THSD7B: variants seen among roughly 807,000 people sequenced by gnomAD.
THSD7B encodes thrombospondin type-1 domain-containing protein 7B.
THSD7B carries 138 observed loss-of-function variants against 213.6 expected under a neutral mutation model. That is an observed-to-expected ratio of 0.65 (90% CI 0.56 to 0.74). The LOEUF is 0.74. THSD7B is among the 30% of genes least tolerant of loss of function. The pLI is 0.00. For missense variants in THSD7B, 1,931 were observed against 1,991.5 expected (o/e 0.97, Z 0.58); for synonymous variants, 742 against 687.0 (o/e 1.08, Z -1.25).
chr2:136,999,117 C>A (rs1299056848), intron 2 of THSD7B, among the ~76,000 whole-genome samples: 1 of 152,032 alleles, frequency 6.6e-6, no homozygotes, highest in African/African-American at 2.4e-5. Context: ...ATTTTGCCTG[C>A]AGAGTTCTCA....
chr2:137,663,751 T>G (rs1234561151), intron 26 of THSD7B, among the ~76,000 whole-genome samples, 176 bp downstream of exon 26: 1 of 152,244 alleles, frequency 6.6e-6, no homozygotes, highest in Non-Finnish European at 1.5e-5. Context: ...TGAGTCCCTT[T>G]AAGTGTACAG....
chr2:137,191,006 A>G (rs555190315), intron 7 of THSD7B, among the ~76,000 whole-genome samples: 1 of 152,316 alleles, frequency 6.6e-6, no homozygotes, highest in South Asian at 2.1e-4. Flanking sequence ...TCCTGCTGAC[A>G]GGCGATCACC....
At chr2:136,928,739 A>G (rs1684582671) in intron 2 of THSD7B, among the ~76,000 whole-genome samples, 1 of 152,248 alleles carries the variant, frequency 6.6e-6, no homozygotes, top group African/African-American at 2.4e-5. Flanking sequence ...AAAAAATACA[A>G]CAAATATTTA....
In THSD7B at chr2:137,056,694, G is replaced by A. The variant is rs774628204; in HGVS notation, c.414G>A (p.Leu138=). The A allele has an allele frequency of 5.0e-6, 8 of 1,613,984 alleles. No individual in the cohort carries two copies. The highest frequency in any genetic ancestry group is 6.8e-6 in the Non-Finnish European group (8 of 1,179,882). The part of the protein sequence containing the change: ...TAECVTAQHG[L]QHRMVRCIQK... ...AGTGTGTGACGGCTCAGCATGGACTGCAGCACCGGATGGTGCGCTGCATTC... is the reference window on the plus strand; with the variant it reads ...AGTGTGTGACGGCTCAGCATGGACTACAGCACCGGATGGTGCGCTGCATTC... Residue 138 remains leucine (L), a synonymous_variant, in exon 3 of 28, where the codon CTG becomes CTA. Transcript: ENST00000409968.
intron 7 of THSD7B, among the ~76,000 whole-genome samples, chr2:137,203,582 C>CT (rs1205771244): frequency 1.3e-5 from 2 of 151,734 alleles, no homozygotes; most frequent in African/African-American, 2.4e-5. Context: ...GAAAAAAAAC[C>CT]TTTTTTTATT....
At chr2:137,010,584 A>G (rs1295429181) in intron 2 of THSD7B, among the ~76,000 whole-genome samples, 2 of 152,130 alleles carry the variant, frequency 1.3e-5, no homozygotes, top group East Asian at 1.9e-4. Flanking sequence ...GCAGGCTCAT[A>G]TTGTTTGTTA....
chr2:137,234,371 C>A (rs1681717458), intron 9 of THSD7B, among the ~76,000 whole-genome samples: 1 of 152,222 alleles, frequency 6.6e-6, no homozygotes, highest in African/African-American at 2.4e-5. Context: ...TCCACACTGT[C>A]ATGGAAGCCA....
intron 17 of THSD7B, among the ~76,000 whole-genome samples, chr2:137,597,312 C>G (rs1414661886): frequency 1.3e-5 from 2 of 151,974 alleles, no homozygotes; most frequent in Non-Finnish European, 2.9e-5. Flanking sequence ...ATGAAATTCT[C>G]CATTGTCTCT....
chr2:137,144,713 C>A (rs1039413202), intron 5 of THSD7B, among the ~76,000 whole-genome samples: 11 of 151,390 alleles, frequency 7.3e-5, no homozygotes, highest in African/African-American at 2.4e-4. Flanking sequence ...GTATTTGCAA[C>A]CTAATTGGGA....
chr2:137,414,626 C>G (rs1030367443), intron 14 of THSD7B, among the ~76,000 whole-genome samples: 1 of 151,946 alleles, frequency 6.6e-6, no homozygotes, highest in African/African-American at 2.4e-5. Flanking sequence ...ACTGAGGTGG[C>G]AGGATCACTT....
intron 12 of THSD7B, among the ~76,000 whole-genome samples, chr2:137,319,593 C>A (rs565416146): frequency 1.3e-5 from 2 of 152,280 alleles, no homozygotes; most frequent in South Asian, 4.1e-4. Flanking sequence ...TTATGAAGTG[C>A]AAAGCACTGA....
chr2:137,479,504 G>A, intron 15 of THSD7B: 2 of 415,130 alleles, frequency 4.8e-6, no homozygotes, highest in South Asian at 1.7e-5. Context: ...CAGTTGCTGG[G>A]GAAAGTGGGG....
chr2:136,864,486 T>G (rs992548587), intron 1 of THSD7B, among the ~76,000 whole-genome samples: 1 of 152,260 alleles, frequency 6.6e-6, no homozygotes, highest in Non-Finnish European at 1.5e-5. Flanking sequence ...CTCATAATTT[T>G]CATCAGCTAT....
chr2:137,509,907 C>T (rs139766546), intron 15 of THSD7B, among the ~76,000 whole-genome samples: 94 of 152,154 alleles, frequency 6.2e-4, no homozygotes, highest in African/African-American at 1.8e-3. Flanking sequence ...CATTTCTTGA[C>T]GGCTATTTGA....
chr2:136,872,565 TTTC>T (rs761091366), intron 1 of THSD7B, among the ~76,000 whole-genome samples: 7 of 150,322 alleles, frequency 4.7e-5, no homozygotes, highest in Non-Finnish European at 5.9e-5. Flanking sequence ...TTCCTTTTCT[TTTC>T]TTCTTTCTCT....
chr2:136,824,401 CT>C (rs1021604016), intron 1 of THSD7B, among the ~76,000 whole-genome samples: 4 of 151,374 alleles, frequency 2.6e-5, no homozygotes, highest in African/African-American at 7.3e-5. Context: ...AGATTAAGGT[CT>C]TTTTTTTCTA....
At chr2:137,090,395 T>C (rs1397231123) in intron 3 of THSD7B, among the ~76,000 whole-genome samples, 5 of 152,228 alleles carry the variant, frequency 3.3e-5, no homozygotes, top group African/African-American at 9.6e-5. Flanking sequence ...ACTCTATTTT[T>C]CTATATGTGC....
At chr2:137,330,773 C>T (rs944044994) in intron 12 of THSD7B, among the ~76,000 whole-genome samples, 3 of 152,030 alleles carry the variant, frequency 2.0e-5, no homozygotes, top group African/African-American at 7.3e-5. Flanking sequence ...AAGAACAAAG[C>T]TTCCACAGTG....
chr2:136,818,628 T>G (rs1558815212), intron 1 of THSD7B, among the ~76,000 whole-genome samples: 1 of 152,176 alleles, frequency 6.6e-6, no homozygotes, highest in Non-Finnish European at 1.5e-5. Context: ...GAACCTGGAA[T>G]GGGTTAGGAA....
Sources: allele counts gnomAD v4.1 joint callset (sites outside exome capture counted in the v4.1 genomes callset), GRCh38; gene constraint gnomAD v4.1.1; transcripts MANE v1.5; gene names NCBI Gene and HGNC (gene_info 2026-07-23, HGNC 2026-07-21).